The following NTM variants were observed in gnomAD, a reference collection of about 807,000 sequenced individuals.
NTM encodes the protein IgLON family member 2.
Under a neutral mutation model 42.1 loss-of-function variants are expected in NTM, and 13 were observed. That is an observed-to-expected ratio of 0.31 (90% confidence interval 0.20 to 0.49). The LOEUF is 0.49. NTM is among the 20% of genes least tolerant of loss of function. The probability of loss-of-function intolerance (pLI) is 0.99; values close to 1 mark genes in which losing one functional copy is unlikely to be tolerated. For synonymous variants in NTM, 187 were observed against 179.2 expected, an observed-to-expected ratio of 1.04 and a Z score of -0.35; for missense variants, 373 against 452.8, an observed-to-expected ratio of 0.82 and a Z score of 1.60.
rs116114012 is a variant in NTM at position 131,885,719 on chromosome 11, G to A, written c.83-25845G>A. ...CAAAGGAGCTTTTTGTACTGAGGCC[G>A]CGGTTGAATTATGGAATAACTAGAT... is the stretch of plus-strand genomic sequence containing the variant. On this transcript the variant is annotated intron_variant, in intron 1 of 8. Transcript: ENST00000683400. Among the ~76,000 whole-genome samples, 356 of 152,278 alleles carry A rather than the reference G, an allele frequency of 2.3e-3. 2 individuals are homozygous for A. Among genetic ancestry groups the A allele is most frequent in the African/African-American group, 8.3e-3 (344 of 41,546 alleles).
chr11:131,756,295 A>G (rs2083319805), intron 1 of NTM, among the ~76,000 whole-genome samples: 1 of 152,180 alleles, frequency 6.6e-6, no homozygotes, highest in Non-Finnish European at 1.5e-5. Context: ...CTCTTGTTAA[A>G]GAATTGCAGG....
In NTM at chr11:131,487,559, G is replaced by T. The variant is rs192682930; in HGVS notation, c.82+116671G>T. Among the ~76,000 whole-genome samples the T allele has an allele frequency of 3.9e-5, 6 of 152,298 alleles. No homozygotes were observed. The East Asian group carries it at 1.2e-3, about 29-fold the overall frequency. Reference sequence around the variant, plus strand: ...GATTTAGAATTTGGAGACAAGGATAGGTGAGTATATTAGCCAGGGTAACAA... The same window carrying T: ...GATTTAGAATTTGGAGACAAGGATATGTGAGTATATTAGCCAGGGTAACAA... On this transcript the variant is annotated intron_variant, in intron 1 of 8. Coordinates refer to ENST00000683400, the MANE Select transcript of NTM (RefSeq NM_001352005.2).
In NTM at chr11:131,487,255, C is replaced by T. The variant is rs572170946; in HGVS notation, c.82+116367C>T. Among the ~76,000 whole-genome samples, 20 of 152,308 alleles carry T rather than the reference C, an allele frequency of 1.3e-4. No individual in the cohort carries two copies. In the South Asian group the frequency reaches 1.7e-3, roughly 13 times the overall value. ...GCCTCGTGTTTTGATTCTTGCTGAA[C>T]TCTGGAGAATATAAAGGCCTCTAAC... On this transcript the variant is annotated intron_variant, in intron 1 of 8. Transcript: ENST00000683400.
intron 3 of NTM, among the ~76,000 whole-genome samples, chr11:132,187,081 G>A (rs143975687): frequency 6.6e-6 from 1 of 152,208 alleles, no homozygotes; most frequent in African/African-American, 2.4e-5. Context: ...AGAGAAGCAG[G>A]GCCAGACTGG....
At chr11:131,638,694 C>A (rs1316412408) in intron 1 of NTM, among the ~76,000 whole-genome samples, 1 of 151,960 alleles carries the variant, frequency 6.6e-6, no homozygotes, top group Non-Finnish European at 1.5e-5. Flanking sequence ...CATTTCTACC[C>A]CCTTCTAAGG....
At chr11:131,691,752 G>C (rs1248671070) in intron 1 of NTM, among the ~76,000 whole-genome samples, 1 of 152,210 alleles carries the variant, frequency 6.6e-6, no homozygotes, top group Non-Finnish European at 1.5e-5. Flanking sequence ...AGCGGAGCGG[G>C]GCTGGGCTGG....
At chr11:131,832,377 GA>G (rs201163866) in intron 1 of NTM, among the ~76,000 whole-genome samples, 89 of 150,578 alleles carry the variant, frequency 5.9e-4, no homozygotes, top group South Asian at 3.8e-3. Context: ...TCACTTTTAA[GA>G]AAAAAAAACC....
chr11:131,821,101 A>G (rs372267895), intron 1 of NTM, among the ~76,000 whole-genome samples: 1 of 152,104 alleles, frequency 6.6e-6, no homozygotes, highest in East Asian at 1.9e-4. Flanking sequence ...AAGTACAAAG[A>G]TGATTTCTCC....
At chr11:131,813,030 T>A in intron 1 of NTM, among the ~76,000 whole-genome samples, 1 of 152,356 alleles carries the variant, frequency 6.6e-6, no homozygotes, top group East Asian at 1.9e-4. Context: ...TCTATGGCTT[T>A]GCCTTTAGTG....
At chr11:131,610,737 G>A (rs2061402064) in intron 1 of NTM, among the ~76,000 whole-genome samples, 1 of 152,224 alleles carries the variant, frequency 6.6e-6, no homozygotes, top group South Asian at 2.1e-4. Context: ...TGGGAATGGA[G>A]GAGGGCGTGA....
intron 4 of NTM, among the ~76,000 whole-genome samples, chr11:132,297,341 T>C (rs914619071): frequency 3.3e-5 from 5 of 152,198 alleles, no homozygotes; most frequent in Non-Finnish European, 7.3e-5. Flanking sequence ...ATAAATGGGA[T>C]TCTTCAGGAA....
rs1005197395 is a variant in NTM at position 131,565,176 on chromosome 11, C to G, written c.82+194288C>G. 3.3e-5 allele frequency among the ~76,000 whole-genome samples: 5 copies of G among 152,220 alleles called. 1 individual carries two copies. Among genetic ancestry groups the G allele is most frequent in the Admixed American group, 2.6e-4 (4 of 15,288 alleles). On this transcript the variant is annotated intron_variant, in intron 1 of 8. Coordinates refer to ENST00000683400, the MANE Select transcript of NTM (RefSeq NM_001352005.2). The stretch of plus-strand genomic sequence containing the variant: ...CCCCTGTGAACACAGGGAGCAGCCC[C>G]CTTCCTGCAGCTGACCCTTCACCGC...
At chr11:131,904,458 A>G (rs1236041231) in intron 1 of NTM, among the ~76,000 whole-genome samples, 1 of 152,238 alleles carries the variant, frequency 6.6e-6, no homozygotes, top group Non-Finnish European at 1.5e-5. Context: ...GAATGTCTCC[A>G]GGTGACTCTT....
At chr11:132,048,062 C>A (rs1378610546) in intron 2 of NTM, among the ~76,000 whole-genome samples, 2 of 151,978 alleles carry the variant, frequency 1.3e-5, no homozygotes, top group African/African-American at 4.8e-5. Flanking sequence ...GCTTGCATGC[C>A]TGCTCTGCTT....
At chr11:131,992,650 G>T (rs540939399) in intron 2 of NTM, among the ~76,000 whole-genome samples, 1 of 152,096 alleles carries the variant, frequency 6.6e-6, no homozygotes, top group African/African-American at 2.4e-5. Context: ...AGAAGTAAGA[G>T]CATCTAAGAT....
chr11:132,050,012 C>G (rs1024808800), intron 2 of NTM, among the ~76,000 whole-genome samples: 1 of 152,116 alleles, frequency 6.6e-6, no homozygotes, highest in Admixed American at 6.5e-5. Context: ...TCCCACTGAC[C>G]TTTACTGAAT....
At chr11:131,459,622 A>G (rs114088494) in intron 1 of NTM, among the ~76,000 whole-genome samples, 1,847 of 152,300 alleles carry the variant, frequency 0.012, 36 homozygotes, top group African/African-American at 0.04. Context: ...TCCTTTTTCT[A>G]CCTAGTTACT....
chr11:132,285,803 T>A (rs1306302335), intron 4 of NTM, among the ~76,000 whole-genome samples: 1 of 152,230 alleles, frequency 6.6e-6, no homozygotes, highest in Non-Finnish European at 1.5e-5. Context: ...CCTTAGACTG[T>A]CTGCCTCTCC....
At position 132,174,590 on chromosome 11, in the gene NTM, AGCT is replaced by A. The variant is rs2076535382; in HGVS notation, c.400+28083_400+28085del. 2.6e-5 allele frequency among the ~76,000 whole-genome samples: 4 copies of A among 152,268 alleles called. No homozygotes were observed. The South Asian group carries it at 8.3e-4, about 32-fold the overall frequency. ...GAGGGGGCTGCCTTCAGCAGGGTGG[AGCT>A]GCTGCTCTTTGTGCAGCCATTCTCT... is the stretch of plus-strand genomic sequence containing the variant. On this transcript the variant is annotated intron_variant, in intron 3 of 8. Coordinates refer to ENST00000683400, the MANE Select transcript of NTM (RefSeq NM_001352005.2).
Sources: gnomAD v4.1 joint callset for allele counts (sites outside exome capture counted in the v4.1 genomes callset) on GRCh38, gnomAD v4.1.1 for gene constraint, MANE v1.5 for transcripts, NCBI Gene and HGNC (gene_info 2026-07-23, HGNC 2026-07-21) for gene names.